RANBP9: variants seen among roughly 807,000 people sequenced by gnomAD.
RANBP9 encodes the protein ran-binding protein 9.
Under a neutral mutation model 84.3 loss-of-function variants are expected in RANBP9, and 15 were observed. The observed-to-expected ratio is 0.18, with a 90% CI of 0.12 to 0.27. The LOEUF (loss-of-function observed/expected upper bound fraction) is 0.27. RANBP9 is among the 10% of genes least tolerant of loss of function. RANBP9 has a pLI of 1.00. For missense variants in RANBP9, 809 were observed against 912.8 expected (o/e 0.89, Z 1.46); for synonymous variants, 392 against 349.6 (o/e 1.12, Z -1.35).
intron 2 of RANBP9, among the ~76,000 whole-genome samples, chr6:13,686,579 C>A (rs1766196143): frequency 6.6e-6 from 1 of 151,848 alleles, no homozygotes; most frequent in Non-Finnish European, 1.5e-5. Context: ...GCCACCATGC[C>A]CAGCCTAATA....
At chr6:13,660,371 C>A (rs1765512481) in intron 2 of RANBP9, among the ~76,000 whole-genome samples, 1 of 151,906 alleles carries the variant, frequency 6.6e-6, no homozygotes, top group South Asian at 2.1e-4. Context: ...CAGTTGTGTG[C>A]GGTGGTGCAC....
intron 3 of RANBP9, among the ~76,000 whole-genome samples, chr6:13,658,574 C>A (rs984486655): frequency 6.6e-6 from 1 of 152,146 alleles, no homozygotes; most frequent in Non-Finnish European, 1.5e-5. Context: ...TGCGCCACTG[C>A]CCTCCAACCT....
rs752500098 is a variant in RANBP9 at position 13,632,118 on chromosome 6, C to CTTTTTTTTTTTTTTTTT, written c.1947+235_1947+251dup. ...TAAGCACTAGCACTGGGATTTAATC[C>CTTTTTTTTTTTTTTTTT]TTTTTTTTTTTTTTTTTTTTTTTTT... On this transcript the variant is annotated intron_variant, in intron 12 of 13. Coordinates refer to ENST00000011619, the MANE Select transcript of RANBP9 (RefSeq NM_005493.3). Among the ~76,000 whole-genome samples the CTTTTTTTTTTTTTTTTT allele has an allele frequency of 5.3e-5, 4 of 74,922 alleles. 1 individual carries two copies. The highest frequency in any genetic ancestry group is 7.8e-5 in the Non-Finnish European group (3 of 38,566). The allele number at this position is 74,922 out of a possible 152,430, so 49.2% of individuals were successfully genotyped here.
At chr6:13,709,131 T>C (rs1758208558) in intron 1 of RANBP9, among the ~76,000 whole-genome samples, 1 of 152,216 alleles carries the variant, frequency 6.6e-6, no homozygotes. Context: ...CATATAAACG[T>C]GTATTTTTCT....
rs375007148 is a variant in RANBP9 at position 13,670,755 on chromosome 6, A to G, written c.684-11923T>C. 6.7e-4 allele frequency among the ~76,000 whole-genome samples: 102 copies of G among 151,116 alleles called. 1 individual carries two copies. The South Asian group carries it at 0.019, about 28-fold the overall frequency. The stretch of plus-strand genomic sequence containing the variant: ...GTGGAGCTTGCAGTTAGCCAAGATC[A>G]TACCACTGCACTCCAGCCTGGGAGA... On this transcript the variant is annotated intron_variant, in intron 2 of 13. Coordinates refer to ENST00000011619, the MANE Select transcript of RANBP9 (RefSeq NM_005493.3).
intron 2 of RANBP9, among the ~76,000 whole-genome samples, chr6:13,664,243 C>A (rs1765597366): frequency 6.6e-6 from 1 of 152,066 alleles, no homozygotes; most frequent in South Asian, 2.1e-4. Context: ...ATTTAAAAAA[C>A]CAATTCTATC....
chr6:13,648,420 G>A (rs1380814071), intron 5 of RANBP9, among the ~76,000 whole-genome samples: 1 of 152,032 alleles, frequency 6.6e-6, no homozygotes, highest in Non-Finnish European at 1.5e-5. Context: ...TTACAGGCGT[G>A]AGCCACCGCA....
At chr6:13,705,635 G>A (rs1001162873) in intron 1 of RANBP9, among the ~76,000 whole-genome samples, 5 of 151,708 alleles carry the variant, frequency 3.3e-5, no homozygotes, top group African/African-American at 9.7e-5. Context: ...GACGAGGCGC[G>A]CAGATCACAA....
intron 1 of RANBP9, among the ~76,000 whole-genome samples, chr6:13,701,482 CAGG>C (rs1322518441): frequency 6.6e-6 from 1 of 152,096 alleles, no homozygotes; most frequent in Non-Finnish European, 1.5e-5. Flanking sequence ...ATCAAGAAAA[CAGG>C]AGGCCAGCTG....
At chr6:13,635,103 G>A (rs1477626498) in intron 10 of RANBP9, among the ~76,000 whole-genome samples, 1 of 152,140 alleles carries the variant, frequency 6.6e-6, no homozygotes, top group African/African-American at 2.4e-5. Flanking sequence ...TCTTTCAAGG[G>A]TAACTGATAA....
intron 11 of RANBP9, 26 bp downstream of exon 11, chr6:13,634,405 A>C: frequency 6.2e-7 from 1 of 1,602,690 alleles, no homozygotes; most frequent in Non-Finnish European, 8.5e-7. Flanking sequence ...TTTTTTATTA[A>C]AAATGTAAGA....
intron 2 of RANBP9, among the ~76,000 whole-genome samples, chr6:13,678,077 C>A (rs1765938075): frequency 6.6e-6 from 1 of 152,170 alleles, no homozygotes; most frequent in African/African-American, 2.4e-5. Flanking sequence ...GTGATCACGT[C>A]ACTGTACTCC....
chr6:13,658,707 T>C, intron 3 of RANBP9, 73 bp downstream of exon 3: 1 of 1,226,750 alleles, frequency 8.2e-7, no homozygotes, highest in Non-Finnish European at 1.2e-6. Context: ...AATATTACAA[T>C]TTCTTACTTG....
intron 2 of RANBP9, among the ~76,000 whole-genome samples, chr6:13,691,159 G>A (rs1325570007): frequency 6.3e-5 from 8 of 127,990 alleles, no homozygotes; most frequent in Non-Finnish European, 9.6e-5. Context: ...CAGAGACTCC[G>A]TCTCAAAAAA....
intron 1 of RANBP9, among the ~76,000 whole-genome samples, chr6:13,702,769 C>T (rs557112653): frequency 1.1e-4 from 17 of 151,306 alleles, no homozygotes; most frequent in African/African-American, 3.6e-4. Flanking sequence ...CTAGGAAATG[C>T]CTCATCTCTT....
intron 9 of RANBP9, 137 bp downstream of exon 9, chr6:13,639,426 C>A (rs1355117573): frequency 5.5e-6 from 5 of 911,890 alleles, no homozygotes; most frequent in Non-Finnish European, 6.5e-6. Flanking sequence ...GATCCGCCCA[C>A]CCTGGCCTCC....
At chr6:13,677,677 C>A (rs1765927160) in intron 2 of RANBP9, among the ~76,000 whole-genome samples, 1 of 152,138 alleles carries the variant, frequency 6.6e-6, no homozygotes, top group African/African-American at 2.4e-5. Flanking sequence ...AACATTTAAG[C>A]TTATGAACAT....
At chr6:13,691,937 G>C (rs1300313590) in intron 2 of RANBP9, among the ~76,000 whole-genome samples, 1 of 152,040 alleles carries the variant, frequency 6.6e-6, no homozygotes, top group Non-Finnish European at 1.5e-5. Flanking sequence ...AAGTGCTAAA[G>C]GCTAGAGCCA....
intron 2 of RANBP9, among the ~76,000 whole-genome samples, chr6:13,686,339 G>A (rs1766187287): frequency 6.6e-6 from 1 of 151,700 alleles, no homozygotes; most frequent in Non-Finnish European, 1.5e-5. Context: ...AAGCTGGAGT[G>A]CAGCGGCGCG....
Sources: gnomAD v4.1 joint callset for allele counts (sites outside exome capture counted in the v4.1 genomes callset) on GRCh38, gnomAD v4.1.1 for gene constraint, MANE v1.5 for transcripts, NCBI Gene and HGNC (gene_info 2026-07-23, HGNC 2026-07-21) for gene names.